Variants in RARG observed in about 807,000 individuals in gnomAD.
The protein encoded by RARG is RAR-gamma.
In RARG, 17 loss-of-function variants were observed where a neutral mutation model predicts 43.7. The ratio of observed to expected loss-of-function variants is 0.39; its 90% confidence interval spans 0.27 to 0.58. RARG has a LOEUF of 0.58. Among genes scored for constraint, RARG ranks in the 20% least tolerant of loss-of-function variants. The pLI is 0.57. For missense variants in RARG, 346 were observed against 598.7 expected (o/e 0.58, Z 4.40); for synonymous variants, 238 against 236.4 (o/e 1.01, Z -0.06).
intron 2 of RARG, among the ~76,000 whole-genome samples, chr12:53,230,783 C>T (rs1336497090): frequency 1.3e-4 from 5 of 38,390 alleles, no homozygotes; most frequent in African/African-American, 3.3e-4. Flanking sequence ...GGGGGTGTGC[C>T]GGGGTGTGGG....
chr12:53,212,778 ACATACT>A lies in RARG; in HGVS notation c.1177+301_1177+306del, dbSNP rs202029279. ...CACACACACACACACACACACACAC[ACATACT>A]TGGAATTGTGCTGAATTAAAAATTC... is the stretch of plus-strand genomic sequence containing the variant. On this transcript the variant is annotated intron_variant, in intron 9 of 9. Transcript: ENST00000425354. Among the ~76,000 whole-genome samples the A allele has an allele frequency of 5.8e-3, 856 of 147,026 alleles. 6 individuals are homozygous for A. The highest frequency in any genetic ancestry group is 0.021 in the African/African-American group (798 of 38,008).
chr12:53,216,109 C>T (rs1942752474), intron 3 of RARG, among the ~76,000 whole-genome samples: 1 of 152,204 alleles, frequency 6.6e-6, no homozygotes, highest in Non-Finnish European at 1.5e-5. Context: ...CGGAAATTGA[C>T]TTCTCTGGGC....
intron 2 of RARG, among the ~76,000 whole-genome samples, chr12:53,229,669 G>T (rs1943185712): frequency 6.6e-6 from 1 of 152,180 alleles, no homozygotes; most frequent in Non-Finnish European, 1.5e-5. Context: ...GGCCCCTGAG[G>T]CCCCTGGGCC....
At chr12:53,229,912 A>G in intron 2 of RARG, 1 of 951,664 alleles carries the variant, frequency 1.1e-6, no homozygotes, top group Non-Finnish European at 1.3e-6. Context: ...GATCCTCACC[A>G]AGGAATGATG....
At position 53,211,617 on chromosome 12, in the gene RARG, G is replaced by A; in HGVS notation, c.*59C>T. On this transcript the variant is annotated 3_prime_UTR_variant, in exon 10 of 10. Transcript: ENST00000425354. This position sits in a 1 kb window ranked among gnomAD's most constrained non-coding sequence, Gnocchi z 4.6. The stretch of plus-strand genomic sequence containing the variant: ...TCCCCCAGTCACTGGCGGTCTGGGA[G>A]ATGGTCAGTCTGCTGCCTGAAGCCC... The A allele has an allele frequency of 1.5e-6, 2 of 1,335,166 alleles. No homozygotes were observed. Among genetic ancestry groups the A allele is most frequent in the Non-Finnish European group, 2.0e-6 (2 of 1,024,872 alleles). 82.7% of individuals were successfully genotyped at this position (1,335,166 alleles called of 1,614,324 possible). A position where few individuals can be genotyped will look rare whatever the true frequency, so the allele number is the denominator to read the frequency against.
Position 53,215,320 on chromosome 12 carries a change from A to T in RARG, c.448T>A (p.Cys150Ser), listed in dbSNP as rs1942730181. 1 of 1,613,950 alleles carries T rather than the reference A, an allele frequency of 6.2e-7. No individual in the cohort carries two copies. Among genetic ancestry groups the T allele is most frequent in the Non-Finnish European group, 8.5e-7 (1 of 1,179,992 alleles). ...NRCQYCRLQK[C>S]FEVGMSKEAV... ...TCCTTGGACATGCCCACTTCGAAGC[A>T]CTTCTGTAGCCGGCAGTACTGGCAG... The change falls in exon 5 of 10, where the codon TGC becomes AGC. Residue 150 changes from cysteine (C) to serine (S), a missense_variant. Coordinates refer to ENST00000425354, the MANE Select transcript of RARG (RefSeq NM_000966.6). This position sits in a 1 kb window ranked among gnomAD's most constrained non-coding sequence, Gnocchi z 6.4.
chr12:53,214,938 G>A (rs531635882), intron 5 of RARG: 17 of 406,372 alleles, frequency 4.2e-5, no homozygotes, highest in Middle Eastern at 6.7e-4. Context: ...CAATGGGGGC[G>A]AGGGGGGGGT....
intron 3 of RARG, among the ~76,000 whole-genome samples, chr12:53,223,526 C>G (rs868218491): frequency 7.4e-5 from 11 of 148,492 alleles, no homozygotes; most frequent in African/African-American, 2.7e-4. Flanking sequence ...TCCCCCCGCC[C>G]CCCCCCCGCC....
chr12:53,219,905 C>T, intron 3 of RARG: 1 of 1,439,414 alleles, frequency 6.9e-7, no homozygotes, highest in Non-Finnish European at 9.2e-7. Flanking sequence ...GTAAATCCCA[C>T]CCTCTCCTGC....
rs564587042 is a variant in RARG at position 53,214,877 on chromosome 12, G to A, written c.476-271C>T. ...TGTCACCCTGCAGGAGCTGGGGGAGGGGGGGCAGGATATGCAGGCGGCAGG... is the reference window on the plus strand; with the variant it reads ...TGTCACCCTGCAGGAGCTGGGGGAGAGGGGGCAGGATATGCAGGCGGCAGG... On this transcript the variant is annotated intron_variant, in intron 5 of 9. Transcript: ENST00000425354. 28 of 451,484 alleles carry A rather than the reference G, an allele frequency of 6.2e-5. No homozygotes were observed. In the South Asian group the frequency reaches 9.7e-4, roughly 16 times the overall value. The allele number at this position is 451,484 out of a possible 1,614,324, so 28.0% of individuals were successfully genotyped here. A position where few individuals can be genotyped will look rare whatever the true frequency, so the allele number is the denominator to read the frequency against.
chr12:53,232,166 C>T lies in RARG; in HGVS notation c.-402G>A. 1 of 398,566 alleles carries T rather than the reference C, an allele frequency of 2.5e-6. No homozygotes were observed. The highest frequency in any genetic ancestry group is 3.6e-5 in the East Asian group (1 of 28,062). 24.7% of individuals were successfully genotyped at this position (398,566 alleles called of 1,614,324 possible). ...CGTGACCGCCCCAAAATATCCGACA[C>T]ATTTTCTCCCAAACCGCACACTGAC... On this transcript the variant is annotated 5_prime_UTR_variant, in exon 1 of 10. It adds an upstream start codon to the 5' untranslated region. Coordinates refer to ENST00000425354, the MANE Select transcript of RARG (RefSeq NM_000966.6).
Position 53,215,848 on chromosome 12 carries a change from C to A in RARG, c.185-54G>T. On this transcript the variant is annotated intron_variant, in intron 3 of 9. Transcript: ENST00000425354. This position sits in a 1 kb window ranked among gnomAD's most constrained non-coding sequence, Gnocchi z 6.4. ...AGGGGAGAAGGACCCCACAGACCTC[C>A]AGGCTTCCTCATCACACACACCCCA... The A allele has an allele frequency of 1.3e-6, 2 of 1,510,344 alleles. No homozygotes were observed. Among genetic ancestry groups the A allele is most frequent in the East Asian group, 4.6e-5 (2 of 43,590 alleles). The allele number at this position is 1,510,344 out of a possible 1,614,324, so 93.6% of individuals were successfully genotyped here.
chr12:53,227,228 A>T lies in RARG; in HGVS notation c.184+134T>A, dbSNP rs888961773. On this transcript the variant is annotated intron_variant, in intron 3 of 9. Coordinates refer to ENST00000425354, the MANE Select transcript of RARG (RefSeq NM_000966.6). The surrounding 1 kb of genome is among the most constrained non-coding windows in gnomAD (Gnocchi z 4.3). Reference sequence around the variant, plus strand: ...CCACCACTACCACCCTCCATTATTCACTACTACTCCATTAGGCCAAACCCC... The same window carrying T: ...CCACCACTACCACCCTCCATTATTCTCTACTACTCCATTAGGCCAAACCCC... 9.6e-5 allele frequency: 85 copies of T among 886,094 alleles called. No individual in the cohort carries two copies. Among genetic ancestry groups the T allele is most frequent in the Non-Finnish European group, 1.2e-4 (73 of 616,010 alleles). 54.9% of individuals were successfully genotyped at this position (886,094 alleles called of 1,614,324 possible).
chr12:53,216,841 T>TGTGTGTGTGTGTGTGCGC (rs1430491578), intron 3 of RARG, among the ~76,000 whole-genome samples: 11 of 129,382 alleles, frequency 8.5e-5, no homozygotes, highest in African/African-American at 3.7e-4. Context: ...TGTGTGTGTG[T>TGTGTGTGTGTGTGTGCGC]GCGCGCGCGC....
At chr12:53,214,767 T>C (rs919090812) in intron 5 of RARG, 161 bp from the exon 6 acceptor site, 44 of 794,020 alleles carry the variant, frequency 5.5e-5, no homozygotes, top group Non-Finnish European at 8.0e-5. Flanking sequence ...ATAGCTCCTA[T>C]TCCCAGGCTG....
chr12:53,222,293 AAGAAAG>A (rs1942994298), intron 3 of RARG, among the ~76,000 whole-genome samples: 3 of 138,954 alleles, frequency 2.2e-5, no homozygotes, highest in South Asian at 4.8e-4. Flanking sequence ...AAGGAGGAGA[AAGAAAG>A]AGAGAGAGAG....
chr12:53,225,472 G>A (rs1223165852), intron 3 of RARG, among the ~76,000 whole-genome samples: 1 of 152,168 alleles, frequency 6.6e-6, no homozygotes. Flanking sequence ...TCTTTCCAGT[G>A]GAGCTGCCAG....
chr12:53,214,522 T>G lies in RARG; in HGVS notation c.560A>C (p.Glu187Ala). ...PDSYELSPQLEELITKVSKAH... is the reference protein window; with the variant it reads ...PDSYELSPQLAELITKVSKAH... ...TTTGCTGACCTTGGTGATGAGCTCT[T>G]CTAACTGAGGGCTCAGCTCATAGCT... Residue 187 changes from glutamate (E) to alanine (A), a missense_variant, in exon 6 of 10, where the codon GAA (glutamate) becomes GCA (alanine). Transcript: ENST00000425354. 6.2e-7 allele frequency: 1 copy of G among 1,613,892 alleles called. No homozygotes were observed. Among genetic ancestry groups the G allele is most frequent in the Non-Finnish European group, 8.5e-7 (1 of 1,179,794 alleles).
In RARG at chr12:53,215,279, G is replaced by C; in HGVS notation, c.475+14C>G. 6.2e-7 allele frequency: 1 copy of C among 1,613,498 alleles called. No individual in the cohort carries two copies. Among genetic ancestry groups the C allele is most frequent in the Non-Finnish European group, 8.5e-7 (1 of 1,179,644 alleles). On this transcript the variant is annotated intron_variant, in intron 5 of 9. Transcript: ENST00000425354. The surrounding 1 kb of genome is among the most constrained non-coding windows in gnomAD (Gnocchi z 6.4). ...ACCGAAGTGCTCCTGCCCAAGCCAAGGATGGCAGCCTACCTTCCTTGGACA... is the reference window on the plus strand; with the variant it reads ...ACCGAAGTGCTCCTGCCCAAGCCAACGATGGCAGCCTACCTTCCTTGGACA...
Sources: gnomAD v4.1 joint callset for allele counts (sites outside exome capture counted in the v4.1 genomes callset) on GRCh38, gnomAD v4.1.1 for gene constraint, Gnocchi (gnomAD v3.1) non-coding constraint, MANE v1.5 for transcripts, NCBI Gene and HGNC (gene_info 2026-07-23, HGNC 2026-07-21) for gene names.